The following ZBTB16 variants were observed in gnomAD, a reference collection of about 807,000 sequenced individuals.
ZBTB16 encodes the protein zinc finger and BTB domain containing 16.
In ZBTB16, 8 loss-of-function variants were observed where a neutral mutation model predicts 56.8. The observed-to-expected ratio is 0.14, with a 90% CI of 0.08 to 0.25. The LOEUF is 0.25. ZBTB16 is among the 10% of genes least tolerant of loss of function. The probability of loss-of-function intolerance (pLI) is 1.00; values close to 1 mark genes in which losing one functional copy is unlikely to be tolerated. For synonymous variants in ZBTB16, 363 were observed against 368.5 expected (o/e 0.98, Z 0.17); for missense variants, 625 against 903.0 (o/e 0.69, Z 3.95).
chr11:114,144,918 G>A (rs1387079698), intron 2 of ZBTB16, among the ~76,000 whole-genome samples: 1 of 152,222 alleles, frequency 6.6e-6, no homozygotes, highest in Non-Finnish European at 1.5e-5. Flanking sequence ...GGTAGGGGTT[G>A]AAATCACATA....
At position 114,254,729 on chromosome 11, in the gene ZBTB16, C is replaced by T. The variant is rs1944972124; in HGVS notation, c.*4174C>T. Among the ~76,000 whole-genome samples, 1 of 152,216 alleles carries T rather than the reference C, an allele frequency of 6.6e-6. No homozygotes were observed. Among genetic ancestry groups the T allele is most frequent in the Admixed American group, 6.5e-5 (1 of 15,288 alleles). On this transcript the variant is annotated 3_prime_UTR_variant, in exon 7 of 7. Transcript: ENST00000335953. ...CCCCTCCCATCATACCTCCTCCTTC[C>T]TGGAGCCTCTGCCGGCTTGGCTGTA...
intron 4 of ZBTB16, among the ~76,000 whole-genome samples, chr11:114,207,307 C>G (rs531059820): frequency 6.6e-6 from 1 of 152,266 alleles, no homozygotes; most frequent in East Asian, 1.9e-4. Flanking sequence ...GTCAGAACCT[C>G]CTGCATGGGG....
In ZBTB16 at chr11:114,247,349, C is replaced by T. The variant is rs1353471660; in HGVS notation, c.1776C>T (p.His592=). ...KFSLKHQLET[H]YRVHTGEKPF... is the part of the protein sequence containing the mutation. ...GCCTCAAGCATCAGCTGGAGACGCA[C>T]TATAGGGTGCACACAGGTACCGAAG... The change falls in exon 6 of 7, where the codon CAC becomes CAT. Residue 592 remains histidine, a synonymous_variant. Coordinates refer to ENST00000335953, the MANE Select transcript of ZBTB16 (RefSeq NM_006006.6). The T allele has an allele frequency of 2.5e-6, 4 of 1,614,242 alleles. No homozygotes were observed. The East Asian group carries it at 6.7e-5, about 27-fold the overall frequency.
intron 4 of ZBTB16, among the ~76,000 whole-genome samples, chr11:114,240,602 C>T (rs993077828): frequency 5.3e-5 from 8 of 152,114 alleles, no homozygotes; most frequent in African/African-American, 1.2e-4. Context: ...ATGGGCCTGC[C>T]GGGGAGCTCC....
chr11:114,073,043 G>A (rs1939407249), intron 2 of ZBTB16, among the ~76,000 whole-genome samples: 1 of 125,888 alleles, frequency 7.9e-6, no homozygotes, highest in Non-Finnish European at 1.6e-5. Flanking sequence ...GCAAAGGAGT[G>A]AGACTGTCTC....
At chr11:114,086,914 C>T (rs961020477) in intron 2 of ZBTB16, among the ~76,000 whole-genome samples, 9 of 152,176 alleles carry the variant, frequency 5.9e-5, no homozygotes, top group African/African-American at 2.2e-4. Flanking sequence ...CCAACTAATA[C>T]TTTCCCAGAC....
chr11:114,175,693 C>T (rs1943092341), intron 3 of ZBTB16, among the ~76,000 whole-genome samples: 1 of 152,056 alleles, frequency 6.6e-6, no homozygotes, highest in African/African-American at 2.4e-5. Context: ...TCTCTTCAGT[C>T]AGTGGGAAAT....
Position 114,242,440 on chromosome 11 carries a change from A to G in ZBTB16, c.1624+103A>G. 6.7e-6 allele frequency: 10 copies of G among 1,498,416 alleles called. 1 individual carries two copies. The South Asian group carries it at 1.2e-4, about 18-fold the overall frequency. 92.8% of individuals were successfully genotyped at this position (1,498,416 alleles called of 1,614,324 possible). ...GAGGTGGTGGGCTGAGTCAGCCTTC[A>G]GTCCTTCTGCTCAAGGCTTGGACGT... is the stretch of plus-strand genomic sequence containing the variant. On this transcript the variant is annotated intron_variant, in intron 5 of 6. Coordinates refer to ENST00000335953, the MANE Select transcript of ZBTB16 (RefSeq NM_006006.6).
intron 4 of ZBTB16, among the ~76,000 whole-genome samples, chr11:114,227,299 G>T (rs1458926017): frequency 6.6e-6 from 1 of 152,162 alleles, no homozygotes; most frequent in Non-Finnish European, 1.5e-5. Context: ...TCCACCTCCT[G>T]GGCCCCATGT....
At chr11:114,168,585 T>A (rs1942860159) in intron 3 of ZBTB16, among the ~76,000 whole-genome samples, 1 of 152,252 alleles carries the variant, frequency 6.6e-6, no homozygotes, top group Non-Finnish European at 1.5e-5. Flanking sequence ...CCTAAGATCA[T>A]AAAGCTAGAA....
At chr11:114,173,181 C>A (rs529176774) in intron 3 of ZBTB16, among the ~76,000 whole-genome samples, 5 of 152,202 alleles carry the variant, frequency 3.3e-5, no homozygotes, top group Admixed American at 3.3e-4. Flanking sequence ...CAGAAGCACC[C>A]GGGCTAGAGA....
intron 3 of ZBTB16, among the ~76,000 whole-genome samples, chr11:114,158,914 C>T (rs1038945267): frequency 2.6e-5 from 4 of 152,238 alleles, no homozygotes; most frequent in Non-Finnish European, 5.9e-5. Flanking sequence ...CCGGACAAGT[C>T]CCTCCTGTGG....
chr11:114,198,955 G>A lies in ZBTB16; in HGVS notation c.1453+11917G>A, dbSNP rs149359179. Among the ~76,000 whole-genome samples, 468 of 152,392 alleles carry A rather than the reference G, an allele frequency of 3.1e-3. 3 individuals carry two copies. Among genetic ancestry groups the A allele is most frequent in the African/African-American group, 0.011 (448 of 41,598 alleles). ...ATGAAGCATCACTGCCCTGGACAGT[G>A]ATTTGAGGGGATCAGTGGTGTTTGG... is the stretch of plus-strand genomic sequence containing the variant. On this transcript the variant is annotated intron_variant, in intron 4 of 6. Coordinates refer to ENST00000335953, the MANE Select transcript of ZBTB16 (RefSeq NM_006006.6).
chr11:114,196,900 A>G (rs1305608960), intron 4 of ZBTB16, among the ~76,000 whole-genome samples: 1 of 152,106 alleles, frequency 6.6e-6, no homozygotes, highest in African/African-American at 2.4e-5. Flanking sequence ...AGTCCCAGAA[A>G]GGTTAAGGAA....
chr11:114,148,437 T>TCTC (rs1565651872), intron 2 of ZBTB16, among the ~76,000 whole-genome samples: 1 of 53,852 alleles, frequency 1.9e-5, no homozygotes, highest in African/African-American at 6.5e-5. Context: ...CTCTCTCTCT[T>TCTC]TCTCTCTCTC....
chr11:114,191,052 C>G (rs1263540228), intron 4 of ZBTB16, among the ~76,000 whole-genome samples: 4 of 152,040 alleles, frequency 2.6e-5, no homozygotes, highest in Non-Finnish European at 4.4e-5. Context: ...AGCAGCTGCA[C>G]ACTTTTAAAT....
Position 114,064,208 on chromosome 11 carries a change from C to T in ZBTB16, c.908C>T (p.Ala303Val). The T allele has an allele frequency of 1.2e-6, 2 of 1,613,916 alleles. No individual in the cohort carries two copies. The highest frequency in any genetic ancestry group is 1.7e-6 in the Non-Finnish European group (2 of 1,180,016). The change falls in exon 2 of 7, where the codon GCC becomes GTC. Residue 303 changes from alanine to valine, a missense_variant. Transcript: ENST00000335953. This position sits in a 1 kb window ranked among gnomAD's most constrained non-coding sequence, Gnocchi z 4.2. Reference sequence around the variant, plus strand: ...CTACACTATGGGCGAGAGGAGAGTGCCGAGCAGGTGCCACCCCCAGCTGAG... The same window carrying T: ...CTACACTATGGGCGAGAGGAGAGTGTCGAGCAGGTGCCACCCCCAGCTGAG... ...RELHYGREESAEQVPPPAEAG... is the reference protein window; with the variant it reads ...RELHYGREESVEQVPPPAEAG...
intron 2 of ZBTB16, among the ~76,000 whole-genome samples, chr11:114,116,361 C>G (rs1439655340): frequency 6.6e-6 from 1 of 152,194 alleles, no homozygotes; most frequent in Non-Finnish European, 1.5e-5. Context: ...TGTTTTGAAT[C>G]TAACTGCATA....
chr11:114,184,601 A>G (rs777428099), intron 3 of ZBTB16, among the ~76,000 whole-genome samples: 6 of 152,158 alleles, frequency 3.9e-5, no homozygotes, highest in Non-Finnish European at 8.8e-5. Flanking sequence ...CACCTTTACT[A>G]TGTCAACCAC....
Sources: allele counts gnomAD v4.1 joint callset (sites outside exome capture counted in the v4.1 genomes callset), GRCh38; gene constraint gnomAD v4.1.1; non-coding constraint Gnocchi (gnomAD v3.1); transcripts MANE v1.5; gene names NCBI Gene and HGNC (gene_info 2026-07-23, HGNC 2026-07-21).